Variants in MINDY3 observed in about 807,000 individuals in gnomAD.
MINDY3 encodes the protein MINDY lysine 48 deubiquitinase 3.
MINDY3 carries 38 observed loss-of-function variants against 69.2 expected under a neutral mutation model. The ratio of observed to expected loss-of-function variants is 0.55; its 90% CI spans 0.42 to 0.72. The LOEUF is 0.72. MINDY3 is among the 30% of genes least tolerant of loss of function. The probability of loss-of-function intolerance (pLI) is 0.00; values close to 1 mark genes in which losing one functional copy is unlikely to be tolerated. For synonymous variants in MINDY3, 192 were observed against 180.1 expected (o/e 1.07, Z -0.53); for missense variants, 522 against 519.0 (o/e 1.01, Z -0.06).
chr10:15,833,641 C>A lies in MINDY3; in HGVS notation c.719G>T (p.Cys240Phe), dbSNP rs866547768. The A allele has an allele frequency of 6.2e-7, 1 of 1,600,282 alleles. No individual in the cohort carries two copies. Among genetic ancestry groups the A allele is most frequent in the Non-Finnish European group, 8.6e-7 (1 of 1,167,860 alleles). ...VSNVWDGDRE[C>F]SGMKLLGIHE... ...AGGAATATACTTACTCATTCCTGAGCACTCTCTATCACCATCCCATACATT... is the reference window on the plus strand; with the variant it reads ...AGGAATATACTTACTCATTCCTGAGAACTCTCTATCACCATCCCATACATT... The change falls in exon 8 of 15, where the codon TGC becomes TTC. Residue 240 changes from cysteine to phenylalanine, a missense_variant. By Grantham distance (205) the Cys-to-Phe change is radical. Transcript: ENST00000277632.
chr10:15,827,176 T>TAAAAAAAAAAAAAAA (rs56332799), intron 8 of MINDY3, among the ~76,000 whole-genome samples: 1 of 44,856 alleles, frequency 2.2e-5, no homozygotes, highest in Non-Finnish European at 3.9e-5. Context: ...ATAACAGGAG[T>TAAAAAAAAAAAAAAA]AAAAAAAAAA....
At chr10:15,791,666 ACC>A (rs1837427549) in intron 11 of MINDY3, among the ~76,000 whole-genome samples, 1 of 152,090 alleles carries the variant, frequency 6.6e-6, no homozygotes, top group South Asian at 2.1e-4. Flanking sequence ...AAAGATTTTT[ACC>A]AGTTGAATAT....
intron 10 of MINDY3, among the ~76,000 whole-genome samples, chr10:15,797,933 G>A (rs1435653294): frequency 1.1e-4 from 17 of 151,950 alleles, no homozygotes; most frequent in Admixed American, 1.0e-3. Context: ...AATTGTCTCC[G>A]TTAGACTGTT....
intron 1 of MINDY3, among the ~76,000 whole-genome samples, chr10:15,856,453 A>C (rs1353662714): frequency 6.6e-6 from 1 of 151,938 alleles, no homozygotes; most frequent in Non-Finnish European, 1.5e-5. Context: ...TGCTACAAAT[A>C]GCAAAAATAA....
chr10:15,850,794 C>A (rs1282856806), intron 1 of MINDY3, among the ~76,000 whole-genome samples: 3 of 152,154 alleles, frequency 2.0e-5, no homozygotes, highest in Admixed American at 6.5e-5. Flanking sequence ...AGCATGTGAT[C>A]TCAGCTAATA....
Position 15,803,748 on chromosome 10 carries a change from A to G in MINDY3, c.883-7576T>C, listed in dbSNP as rs570776622. Among the ~76,000 whole-genome samples, 4 of 152,254 alleles carry G rather than the reference A, an allele frequency of 2.6e-5. No homozygotes were observed. In the East Asian group the frequency reaches 7.7e-4, roughly 29 times the overall value. ...AACATGCTACTCTATCTTTACTTCC[A>G]AGAATCTTATTAAATTTATCCTAAG... On this transcript the variant is annotated intron_variant, in intron 10 of 14. Transcript: ENST00000277632.
At chr10:15,795,349 A>G (rs1409876722) in intron 11 of MINDY3, among the ~76,000 whole-genome samples, 1 of 152,072 alleles carries the variant, frequency 6.6e-6, no homozygotes, top group African/African-American at 2.4e-5. Context: ...AGAGGAAAAG[A>G]GCAGATCACT....
In MINDY3 at chr10:15,834,102, C is replaced by T. The variant is rs925190008; in HGVS notation, c.651-393G>A. Among the ~76,000 whole-genome samples, 9 of 151,938 alleles carry T rather than the reference C, an allele frequency of 5.9e-5. No individual in the cohort carries two copies. The South Asian group carries it at 1.2e-3, about 21-fold the overall frequency. On this transcript the variant is annotated intron_variant, in intron 7 of 14. Transcript: ENST00000277632. ...AGAAAGGTCTAAAAAGAAGGACTCACGTATTAGAGTAGGTTAACTATCACT... is the reference window on the plus strand; with the variant it reads ...AGAAAGGTCTAAAAAGAAGGACTCATGTATTAGAGTAGGTTAACTATCACT...
At chr10:15,804,946 CTG>C (rs763464660) in intron 10 of MINDY3, among the ~76,000 whole-genome samples, 9 of 152,126 alleles carry the variant, frequency 5.9e-5, no homozygotes, top group Non-Finnish European at 1.0e-4. Context: ...AGGCACCAAT[CTG>C]TGTCGTATGG....
At chr10:15,859,275 C>T (rs1351550680) in intron 1 of MINDY3, among the ~76,000 whole-genome samples, 2 of 152,038 alleles carry the variant, frequency 1.3e-5, no homozygotes, top group East Asian at 3.8e-4. Context: ...CAAAATTCCG[C>T]CCAATCTATT....
At chr10:15,853,046 G>A (rs1564534938) in intron 1 of MINDY3, among the ~76,000 whole-genome samples, 1 of 152,042 alleles carries the variant, frequency 6.6e-6, no homozygotes, top group Admixed American at 6.6e-5. Flanking sequence ...ATGGATTTTG[G>A]TATCTGCAGG....
chr10:15,783,502 C>G (rs1381401065), intron 13 of MINDY3, among the ~76,000 whole-genome samples: 1 of 152,038 alleles, frequency 6.6e-6, no homozygotes, highest in Non-Finnish European at 1.5e-5. Flanking sequence ...CTTCCTTTTT[C>G]CAGACCTGGT....
At position 15,860,363 on chromosome 10, in the gene MINDY3, C is replaced by T; in HGVS notation, c.-64G>A. 1.6e-6 allele frequency: 2 copies of T among 1,223,072 alleles called. No individual in the cohort carries two copies. Among genetic ancestry groups the T allele is most frequent in the Non-Finnish European group, 2.4e-6 (2 of 848,450 alleles). 75.8% of individuals were successfully genotyped at this position (1,223,072 alleles called of 1,614,324 possible). ...CCTGCCCCGGAACATGGGGAAGGGG[C>T]AACTCCGGAAACAGCAGCTGCGGGA... On this transcript the variant is annotated 5_prime_UTR_variant, in exon 1 of 15. Coordinates refer to ENST00000277632, the MANE Select transcript of MINDY3 (RefSeq NM_024948.4).
intron 2 of MINDY3, among the ~76,000 whole-genome samples, chr10:15,844,468 A>G (rs1275863655): frequency 6.6e-6 from 1 of 152,160 alleles, no homozygotes; most frequent in Non-Finnish European, 1.5e-5. Flanking sequence ...TAATGGGTAT[A>G]TGAATGTATT....
chr10:15,848,149 T>C (rs1013537996), intron 1 of MINDY3, among the ~76,000 whole-genome samples: 1 of 152,128 alleles, frequency 6.6e-6, no homozygotes. Context: ...AGAGTACATA[T>C]ACTCACACAA....
Position 15,860,482 on chromosome 10 carries a change from A to C in MINDY3, c.-183T>G. 1.6e-6 allele frequency: 1 copy of C among 612,516 alleles called. No individual in the cohort carries two copies. Among genetic ancestry groups the C allele is most frequent in the Non-Finnish European group, 2.9e-6 (1 of 348,582 alleles). The allele number at this position is 612,516 out of a possible 1,614,324, so 37.9% of individuals were successfully genotyped here. ...CAAGCCTGTCAAGCCAGGTTGGGGC[A>C]GCAGCGAGTTTTCCGTACCGGAAGT... is the stretch of plus-strand genomic sequence containing the variant. On this transcript the variant is annotated 5_prime_UTR_variant, in exon 1 of 15. Transcript: ENST00000277632.
chr10:15,816,209 C>T (rs974952299), intron 10 of MINDY3, among the ~76,000 whole-genome samples: 3 of 130,472 alleles, frequency 2.3e-5, no homozygotes, highest in East Asian at 2.2e-4. Context: ...TGCAGTGAGG[C>T]GAGACTGTGA....
At chr10:15,781,258 C>G (rs549587051) in intron 14 of MINDY3, among the ~76,000 whole-genome samples, 94 of 151,786 alleles carry the variant, frequency 6.2e-4, no homozygotes, top group Non-Finnish European at 1.1e-3. Context: ...TAGATTTGGT[C>G]TAATTAAAAT....
At chr10:15,781,491 C>G (rs1310869249) in intron 14 of MINDY3, among the ~76,000 whole-genome samples, 2 of 151,498 alleles carry the variant, frequency 1.3e-5, no homozygotes, top group Admixed American at 6.6e-5. Context: ...AAGGGGAAAT[C>G]AATGCAGCCG....
Sources: gnomAD v4.1 joint callset for allele counts (sites outside exome capture counted in the v4.1 genomes callset) on GRCh38, gnomAD v4.1.1 for gene constraint, MANE v1.5 for transcripts, NCBI Gene and HGNC (gene_info 2026-07-23, HGNC 2026-07-21) for gene names.